Variants in SERPINB2 observed in about 807,000 individuals in gnomAD.
SERPINB2 encodes plasminogen activator inhibitor 2.
Under a neutral mutation model 39.4 loss-of-function variants are expected in SERPINB2, and 28 were observed. The ratio of observed to expected loss-of-function variants is 0.71; its 90% CI spans 0.53 to 0.97. The LOEUF (loss-of-function observed/expected upper bound fraction) is 0.97. Ranked by LOEUF, SERPINB2 falls within the 50% of genes least tolerant of loss-of-function variation. The pLI is 0.00. For missense variants in SERPINB2, 557 were observed against 505.3 expected (o/e 1.10, Z -0.98); for synonymous variants, 209 against 175.1 (o/e 1.19, Z -1.53).
At position 63,901,750 on chromosome 18, in the gene SERPINB2, A is replaced by T. The variant is rs772030042; in HGVS notation, c.546A>T (p.Pro182=). 6.5e-7 allele frequency: 1 copy of T among 1,547,658 alleles called. No individual in the cohort carries two copies. Among genetic ancestry groups the T allele is most frequent in the South Asian group, 1.3e-5 (1 of 77,886 alleles). The change falls in exon 6 of 8, where the codon CCA becomes CCT. Residue 182 remains proline, a synonymous_variant. Transcript: ENST00000299502. ...WVKTQTKGKI[P]NLLPEGSVDG... is the part of the protein sequence containing the mutation. The stretch of plus-strand genomic sequence containing the variant: ...TTATGTTTTCTGTAGGCAAAATCCC[A>T]AACTTGTTACCTGAAGGTTCTGTAG...
intron 3 of SERPINB2, among the ~76,000 whole-genome samples, chr18:63,896,019 G>A (rs2049957411): frequency 6.6e-6 from 1 of 152,046 alleles, no homozygotes; most frequent in Non-Finnish European, 1.5e-5. Context: ...TTAAATGTCA[G>A]CTATCCAGTT....
chr18:63,901,607 C>G, intron 5 of SERPINB2, 133 bp from the exon 6 acceptor site: 2 of 594,504 alleles, frequency 3.4e-6, no homozygotes, highest in Non-Finnish European at 5.2e-6. Flanking sequence ...TTAAATAAAC[C>G]TAAAAAACTT....
rs768454108 is a variant in SERPINB2, at chr18:63,903,089, G to A, written c.1032G>A (p.Ser344=). The A allele has an allele frequency of 3.2e-5, 51 of 1,613,562 alleles. No individual in the cohort carries two copies. Among genetic ancestry groups the A allele is most frequent in the Non-Finnish European group, 3.8e-5 (45 of 1,179,786 alleles). Residue 344 remains serine, a synonymous_variant, in exon 8 of 8, where the codon TCG becomes TCA. Coordinates refer to ENST00000299502, the MANE Select transcript of SERPINB2 (RefSeq NM_002575.3). Reference sequence around the variant, plus strand: ...GACGGGCCAATTTCTCAGGGATGTCGGAGAGGAATGACCTGTTTCTTTCTG... The same window carrying A: ...GACGGGCCAATTTCTCAGGGATGTCAGAGAGGAATGACCTGTTTCTTTCTG... ...NKGRANFSGM[S]ERNDLFLSEV...
Position 63,895,336 on chromosome 18 carries a change from T to C in SERPINB2, c.241T>C (p.Phe81Leu). 1.2e-6 allele frequency: 2 copies of C among 1,614,092 alleles called. No individual in the cohort carries two copies. The highest frequency in any genetic ancestry group is 1.7e-6 in the Non-Finnish European group (2 of 1,179,980). ...MTPENFTSCG[F>L]MQQIQKGSYP... ...TCCAGAGAACTTTACCAGCTGTGGG[T>C]TCATGCAGCAGATCCAGAAGGGTAG... Residue 81 changes from phenylalanine (F) to leucine (L), a missense_variant, in exon 3 of 8, where the codon TTC (phenylalanine) becomes CTC (leucine). Physicochemically the swap from Phe to Leu is conservative, Grantham distance 22. Coordinates refer to ENST00000299502, the MANE Select transcript of SERPINB2 (RefSeq NM_002575.3).
chr18:63,891,748 A>T, intron 2 of SERPINB2, 136 bp downstream of exon 2: 1 of 861,766 alleles, frequency 1.2e-6, no homozygotes, highest in Non-Finnish European at 1.7e-6. Context: ...ACTGATCCTT[A>T]CAACACAAAT....
chr18:63,891,965 C>G lies in SERPINB2; in HGVS notation c.168+353C>G, dbSNP rs139444432. Among the ~76,000 whole-genome samples the G allele has an allele frequency of 1.7e-3, 260 of 152,222 alleles. 2 individuals carry two copies. Among genetic ancestry groups the G allele is most frequent in the African/African-American group, 6.0e-3 (248 of 41,544 alleles). On this transcript the variant is annotated intron_variant, in intron 2 of 7. Transcript: ENST00000299502. ...CAGTTTTAAGACAGATATCATTTTA[C>G]AGATGAGAGCCCTGGTGGTGTCAGA...
At chr18:63,896,887 G>T (rs984650400) in intron 3 of SERPINB2, among the ~76,000 whole-genome samples, 15 of 152,144 alleles carry the variant, frequency 9.9e-5, no homozygotes, top group Non-Finnish European at 4.4e-5. Flanking sequence ...AAATTGGAAA[G>T]AAATTAAAAT....
At chr18:63,897,294 A>G (rs1242370278) in intron 4 of SERPINB2, 75 bp downstream of exon 4, 2 of 1,528,944 alleles carry the variant, frequency 1.3e-6, no homozygotes, top group African/African-American at 1.4e-5. Context: ...GTTCTCTACA[A>G]TTCAACAGTT....
chr18:63,895,764 G>T (rs2049955601), intron 3 of SERPINB2, among the ~76,000 whole-genome samples: 1 of 152,196 alleles, frequency 6.6e-6, no homozygotes, highest in African/African-American at 2.4e-5. Context: ...ATGGCAGAAG[G>T]CTGGGCCCAA....
rs1454501763 is a variant in SERPINB2 at position 63,895,426 on chromosome 18, TG to T, written c.288+44del. 13 of 1,613,244 alleles carry T rather than the reference TG, an allele frequency of 8.1e-6. No individual in the cohort carries two copies. In the Admixed American group the frequency reaches 1.8e-4, roughly 23 times the overall value. On this transcript the variant is annotated intron_variant, in intron 3 of 7. Transcript: ENST00000299502. ...CCAAATTTCTTTTGTGGTTTATTTTTGCAATCTTCCTGTCTTAAAGCCACAG... is the reference window on the plus strand; with the variant it reads ...CCAAATTTCTTTTGTGGTTTATTTTTCAATCTTCCTGTCTTAAAGCCACAG...
intron 5 of SERPINB2, among the ~76,000 whole-genome samples, chr18:63,900,308 G>A (rs1170475339): frequency 6.6e-6 from 1 of 152,128 alleles, no homozygotes; most frequent in Non-Finnish European, 1.5e-5. Flanking sequence ...GAAATATATT[G>A]AATGTATATA....
chr18:63,902,289 T>C, intron 6 of SERPINB2, 115 bp from the exon 7 acceptor site: 1 of 935,058 alleles, frequency 1.1e-6, no homozygotes, highest in Non-Finnish European at 1.5e-6. Context: ...TTTGTTGATT[T>C]AAAAAAATCA....
chr18:63,893,431 A>T (rs935463779), intron 2 of SERPINB2, among the ~76,000 whole-genome samples: 3 of 139,860 alleles, frequency 2.1e-5, no homozygotes, highest in African/African-American at 8.1e-5. Flanking sequence ...GATTCTATAT[A>T]GTCTTTTTTT....
At chr18:63,900,435 A>C (rs1227452278) in intron 5 of SERPINB2, among the ~76,000 whole-genome samples, 5 of 152,152 alleles carry the variant, frequency 3.3e-5, no homozygotes, top group African/African-American at 1.2e-4. Context: ...AGCTGGAGGT[A>C]GGGTAGAAGA....
In SERPINB2 at chr18:63,901,736, G is replaced by A. The variant is rs6099; in HGVS notation, c.536-4G>A. On this transcript the variant is annotated splice_region_variant and splice_polypyrimidine_tract_variant and intron_variant, in intron 5 of 7. Transcript: ENST00000299502. ...AACCTAAATATATGTTATGTTTTCT[G>A]TAGGCAAAATCCCAAACTTGTTACC... 4.1e-3 allele frequency: 6,309 copies of A among 1,536,562 alleles called. 251 individuals are homozygous for A. In the African/African-American group the frequency reaches 0.08, roughly 20 times the overall value.
chr18:63,893,807 T>C (rs899769019), intron 2 of SERPINB2, among the ~76,000 whole-genome samples: 2 of 152,154 alleles, frequency 1.3e-5, no homozygotes, highest in Non-Finnish European at 2.9e-5. Flanking sequence ...TCTAAGAACT[T>C]CTTATAAATT....
chr18:63,892,577 C>G (rs919988158), intron 2 of SERPINB2: 1 of 152,198 alleles, frequency 6.6e-6, no homozygotes, highest in African/African-American at 2.4e-5. Flanking sequence ...TGCAGTCACA[C>G]CAAGATGCCG....
At chr18:63,891,649 A>G (rs2049927385) in intron 2 of SERPINB2, 37 bp downstream of exon 2, 1 of 1,589,038 alleles carries the variant, frequency 6.3e-7, no homozygotes, top group African/African-American at 1.4e-5. Flanking sequence ...TGGGCCGAGT[A>G]GTTCCTGAAT....
intron 5 of SERPINB2, among the ~76,000 whole-genome samples, chr18:63,900,226 A>G (rs1544897): frequency 0.29 from 43,561 of 152,152 alleles, 6,832 homozygotes; most frequent in East Asian, 0.48. Flanking sequence ...TGCTATGATC[A>G]AATACTAGTT....
Sources: gnomAD v4.1 joint callset for allele counts (sites outside exome capture counted in the v4.1 genomes callset) on GRCh38, gnomAD v4.1.1 for gene constraint, MANE v1.5 for transcripts, NCBI Gene and HGNC (gene_info 2026-07-23, HGNC 2026-07-21) for gene names.